Variants in SYT1 observed in about 807,000 individuals in gnomAD.
The protein encoded by SYT1 is synaptotagmin 1.
SYT1 carries 8 observed loss-of-function variants against 44.8 expected under a neutral mutation model. The observed-to-expected ratio is 0.18, with a 90% CI of 0.10 to 0.32. The LOEUF is 0.32. SYT1 is among the 10% of genes least tolerant of loss of function. SYT1 has a pLI of 1.00. For missense variants in SYT1, 286 were observed against 509.3 expected, an observed-to-expected ratio of 0.56 and a Z score of 4.22; for synonymous variants, 154 against 188.8, an observed-to-expected ratio of 0.82 and a Z score of 1.51.
intron 4 of SYT1, among the ~76,000 whole-genome samples, chr12:79,249,825 G>GT: frequency 6.6e-6 from 1 of 152,214 alleles, no homozygotes. Context: ...AATGAAGCCT[G>GT]TTTTAGAAAT....
chr12:78,962,733 G>T, intron 1 of SYT1, among the ~76,000 whole-genome samples: 1 of 152,134 alleles, frequency 6.6e-6, no homozygotes, highest in East Asian at 1.9e-4. Flanking sequence ...AGAAAAAATT[G>T]TGTAGCTTAA....
intron 2 of SYT1, among the ~76,000 whole-genome samples, chr12:79,042,126 G>A (rs1336973420): frequency 6.6e-6 from 1 of 150,934 alleles, no homozygotes; most frequent in Non-Finnish European, 1.5e-5. Flanking sequence ...GTATCAGAAT[G>A]ATGCTGGCCT....
intron 1 of SYT1, among the ~76,000 whole-genome samples, chr12:78,877,634 A>G (rs1874243990): frequency 6.6e-6 from 1 of 151,428 alleles, no homozygotes. Context: ...TGATCAACTA[A>G]GTTTATATTA....
At chr12:78,884,334 T>C (rs1157764217) in intron 1 of SYT1, among the ~76,000 whole-genome samples, 1 of 151,592 alleles carries the variant, frequency 6.6e-6, no homozygotes, top group Admixed American at 6.6e-5. Flanking sequence ...CTGCTTTTGG[T>C]TAATGCAGCA....
intron 10 of SYT1, among the ~76,000 whole-genome samples, chr12:79,446,235 G>A (rs938655490): frequency 2.0e-5 from 3 of 151,356 alleles, no homozygotes; most frequent in Non-Finnish European, 3.0e-5. Context: ...TTGGAACAGC[G>A]CCCAATACAT....
chr12:79,152,676 A>G (rs899562002), intron 3 of SYT1, among the ~76,000 whole-genome samples: 1 of 152,126 alleles, frequency 6.6e-6, no homozygotes, highest in South Asian at 2.1e-4. Flanking sequence ...GTATGCTGAG[A>G]GTGAGGACAC....
chr12:79,391,029 T>C (rs370617283), intron 9 of SYT1, among the ~76,000 whole-genome samples: 9 of 152,306 alleles, frequency 5.9e-5, no homozygotes, highest in Admixed American at 3.9e-4. Context: ...CAGTAGTAAC[T>C]AACTGCCTGC....
intron 3 of SYT1, among the ~76,000 whole-genome samples, chr12:79,101,930 A>G (rs1360273497): frequency 6.6e-6 from 1 of 151,694 alleles, no homozygotes; most frequent in South Asian, 2.1e-4. Context: ...ATTGAAATAA[A>G]TTAATTAATA....
intron 1 of SYT1, among the ~76,000 whole-genome samples, chr12:78,901,405 C>T (rs1405643042): frequency 6.6e-6 from 1 of 152,012 alleles, no homozygotes; most frequent in Non-Finnish European, 1.5e-5. Flanking sequence ...GAATGTCTGC[C>T]AAACACACAC....
intron 4 of SYT1, among the ~76,000 whole-genome samples, chr12:79,224,214 C>T (rs925491907): frequency 5.3e-5 from 8 of 152,218 alleles, no homozygotes; most frequent in South Asian, 2.1e-4. Flanking sequence ...AGTCTTTTTT[C>T]TTCAAGTATG....
At chr12:78,978,943 G>A (rs1045334922) in intron 2 of SYT1, among the ~76,000 whole-genome samples, 3 of 152,122 alleles carry the variant, frequency 2.0e-5, no homozygotes, top group Admixed American at 2.0e-4. Flanking sequence ...ATACGCTTAT[G>A]CGATACTGGA....
At chr12:79,025,619 TATATG>T (rs1310034805) in intron 2 of SYT1, among the ~76,000 whole-genome samples, 1 of 151,614 alleles carries the variant, frequency 6.6e-6, no homozygotes, top group Non-Finnish European at 1.5e-5. Context: ...CATATGCATA[TATATG>T]ATATATGTAT....
chr12:79,325,543 G>A (rs965459673), intron 8 of SYT1, among the ~76,000 whole-genome samples: 1 of 152,138 alleles, frequency 6.6e-6, no homozygotes, highest in Admixed American at 6.5e-5. Flanking sequence ...TGCCAGCTTT[G>A]AGTAATTCAA....
At chr12:79,057,919 A>G (rs1219239929) in intron 3 of SYT1, among the ~76,000 whole-genome samples, 1 of 152,068 alleles carries the variant, frequency 6.6e-6, no homozygotes, top group African/African-American at 2.4e-5. Context: ...AGCATTACAT[A>G]TGTCACAACC....
chr12:79,335,074 G>C (rs558390627), intron 8 of SYT1, among the ~76,000 whole-genome samples: 67 of 152,146 alleles, frequency 4.4e-4, no homozygotes, highest in East Asian at 1.2e-3. Context: ...TATCCCTTCA[G>C]GTGTGTTGAC....
At chr12:78,867,600 A>C (rs1036144921) in intron 1 of SYT1, among the ~76,000 whole-genome samples, 1 of 152,020 alleles carries the variant, frequency 6.6e-6, no homozygotes, top group Non-Finnish European at 1.5e-5. Context: ...CAGAGTAAAT[A>C]TGATAATTAT....
intron 4 of SYT1, among the ~76,000 whole-genome samples, chr12:79,245,193 C>T (rs569143615): frequency 6.6e-6 from 1 of 150,890 alleles, no homozygotes. Flanking sequence ...TTGCCGGGCG[C>T]GGTGGCTCAC....
intron 3 of SYT1, among the ~76,000 whole-genome samples, chr12:79,154,648 T>C (rs1056966487): frequency 1.3e-5 from 2 of 152,082 alleles, no homozygotes; most frequent in African/African-American, 4.8e-5. Flanking sequence ...TAGAAAATAA[T>C]GGTGTTGGGG....
At chr12:79,127,625 A>T (rs1475460166) in intron 3 of SYT1, among the ~76,000 whole-genome samples, 1 of 152,018 alleles carries the variant, frequency 6.6e-6, no homozygotes, top group Non-Finnish European at 1.5e-5. Context: ...AGAATAGTGA[A>T]CATGAAAATG....
Sources: allele counts gnomAD v4.1 joint callset (sites outside exome capture counted in the v4.1 genomes callset), GRCh38; gene constraint gnomAD v4.1.1; transcripts MANE v1.5; gene names NCBI Gene and HGNC (gene_info 2026-07-23, HGNC 2026-07-21).